The following CDC42BPA variants were observed in gnomAD, a reference collection of about 807,000 sequenced individuals.
CDC42BPA encodes the protein CDC42 binding protein kinase alpha, also known as serine/threonine-protein kinase MRCK alpha.
In CDC42BPA, 80 loss-of-function variants were observed where a neutral mutation model predicts 223.5. That is an observed-to-expected ratio of 0.36 (90% CI 0.30 to 0.43). The LOEUF is 0.43. Among genes scored for constraint, CDC42BPA ranks in the 20% least tolerant of loss-of-function variants. The pLI, the probability that CDC42BPA is intolerant of heterozygous loss-of-function variation, is 1.00. For synonymous variants in CDC42BPA, 694 were observed against 718.6 expected (o/e 0.97, Z 0.55); for missense variants, 1,743 against 2,099.9 (o/e 0.83, Z 3.32).
intron 4 of CDC42BPA, 96 bp from the exon 5 acceptor site, chr1:227,194,030 T>C (rs1365722921): frequency 1.4e-6 from 1 of 721,218 alleles, no homozygotes. Context: ...GTCAAATATT[T>C]ATGCAGTTAA....
intron 17 of CDC42BPA, 29 bp from the exon 18 acceptor site, chr1:227,074,393 G>C: frequency 6.5e-7 from 1 of 1,535,116 alleles, no homozygotes; most frequent in African/African-American, 1.4e-5. Flanking sequence ...AAGTACAAAA[G>C]TAAAACAAAA....
rs186331629 is a variant in CDC42BPA at position 227,210,409 on chromosome 1, G to T, written c.354+2727C>A. Among the ~76,000 whole-genome samples the T allele has an allele frequency of 2.0e-5, 3 of 152,146 alleles. No homozygotes were observed. In the East Asian group the frequency reaches 5.8e-4, roughly 29 times the overall value. ...CTACCTTATTCTCTCTACCTTTTGG[G>T]TTCTTCTAATGTTTGCTTTATATAT... is the stretch of plus-strand genomic sequence containing the variant. On this transcript the variant is annotated intron_variant, in intron 3 of 36. Coordinates refer to ENST00000366766, the MANE Select transcript of CDC42BPA (RefSeq NM_001394014.1).
intron 11 of CDC42BPA, among the ~76,000 whole-genome samples, chr1:227,128,006 G>A (rs888047760): frequency 1.3e-5 from 2 of 151,956 alleles, no homozygotes; most frequent in Admixed American, 6.6e-5. Context: ...TAAACCCTGC[G>A]AAAAACTGCC....
rs535577326 is a variant in CDC42BPA at position 227,163,960 on chromosome 1, A to G, written c.600-3324T>C. 3.4e-4 allele frequency among the ~76,000 whole-genome samples: 52 copies of G among 152,286 alleles called. No homozygotes were observed. The South Asian group carries it at 9.7e-3, about 29-fold the overall frequency. On this transcript the variant is annotated intron_variant, in intron 5 of 36. Transcript: ENST00000366766. ...ACCCCAGCACCATTTACTGAATGAT[A>G]TCCTTTCACCACTATTATCTAATAC...
intron 11 of CDC42BPA, among the ~76,000 whole-genome samples, chr1:227,127,022 G>C (rs1185581441): frequency 6.6e-6 from 1 of 152,144 alleles, no homozygotes. Flanking sequence ...AAATCCCAAA[G>C]AATCTATTTT....
Position 227,117,882 on chromosome 1 carries a change from A to G in CDC42BPA, c.1647+1922T>C, listed in dbSNP as rs149930415. Among the ~76,000 whole-genome samples, 290 of 152,308 alleles carry G rather than the reference A, an allele frequency of 1.9e-3. 2 individuals carry two copies. The highest frequency in any genetic ancestry group is 6.6e-3 in the African/African-American group (273 of 41,588). On this transcript the variant is annotated intron_variant, in intron 12 of 36. Coordinates refer to ENST00000366766, the MANE Select transcript of CDC42BPA (RefSeq NM_001394014.1). ...ATATTTGTAACACATATAACTCACA[A>G]AAGATTAGAATGCCCAAATATTTCC...
At chr1:227,234,329 G>A (rs996795470) in intron 2 of CDC42BPA, 1 of 152,210 alleles carries the variant, frequency 6.6e-6, no homozygotes, top group Non-Finnish European at 1.5e-5. Context: ...GCCTCAGAGA[G>A]TACAGTTTGT....
intron 24 of CDC42BPA, among the ~76,000 whole-genome samples, chr1:227,039,224 T>C (rs1670897144): frequency 6.6e-6 from 1 of 152,182 alleles, no homozygotes; most frequent in African/African-American, 2.4e-5. Flanking sequence ...TAGACTGACA[T>C]GGTTACATTC....
intron 12 of CDC42BPA, among the ~76,000 whole-genome samples, chr1:227,113,686 A>G (rs1476059595): frequency 6.6e-6 from 1 of 152,118 alleles, no homozygotes; most frequent in Non-Finnish European, 1.5e-5. Context: ...GACCAAGCAG[A>G]TTTATAGAAG....
chr1:227,147,740 G>C (rs193210003), intron 6 of CDC42BPA, among the ~76,000 whole-genome samples, 181 bp from the exon 7 acceptor site: 1 of 152,006 alleles, frequency 6.6e-6, no homozygotes, highest in Admixed American at 6.6e-5. Flanking sequence ...ATAGTTTTCA[G>C]GATTTCATAA....
intron 23 of CDC42BPA, among the ~76,000 whole-genome samples, chr1:227,042,751 G>A (rs1671640429): frequency 6.6e-6 from 1 of 151,626 alleles, no homozygotes; most frequent in African/African-American, 2.4e-5. Context: ...TGGAAGAAGA[G>A]AAAAAAATGA....
intron 21 of CDC42BPA, among the ~76,000 whole-genome samples, chr1:227,060,032 T>A (rs868314806): frequency 3.8e-5 from 5 of 132,600 alleles, no homozygotes; most frequent in Non-Finnish European, 3.4e-5. Context: ...TTTTTTTTGT[T>A]TTTTTTTTTT....
chr1:227,273,024 G>A (rs1686219279), intron 1 of CDC42BPA, among the ~76,000 whole-genome samples: 1 of 152,242 alleles, frequency 6.6e-6, no homozygotes, highest in Non-Finnish European at 1.5e-5. Context: ...TGGGCACGGT[G>A]GCTCACGCCT....
At chr1:227,041,312 C>CTAG (rs1163233382) in intron 23 of CDC42BPA, among the ~76,000 whole-genome samples, 1 of 152,134 alleles carries the variant, frequency 6.6e-6, no homozygotes, top group Non-Finnish European at 1.5e-5. Flanking sequence ...TTCCCCTTCT[C>CTAG]TAGTAGTCCC....
At chr1:226,996,080 AT>A (rs1007615824) in intron 35 of CDC42BPA, among the ~76,000 whole-genome samples, 1 of 152,200 alleles carries the variant, frequency 6.6e-6, no homozygotes, top group Non-Finnish European at 1.5e-5. Flanking sequence ...GTCCTTGGTA[AT>A]CCCCCTTCCA....
chr1:227,046,538 T>C (rs1672488225), intron 23 of CDC42BPA, among the ~76,000 whole-genome samples: 1 of 152,214 alleles, frequency 6.6e-6, no homozygotes, highest in Admixed American at 6.5e-5. Context: ...GTGATCTCTT[T>C]GGTTTAATTA....
intron 12 of CDC42BPA, among the ~76,000 whole-genome samples, chr1:227,117,387 G>A (rs1260736609): frequency 6.6e-6 from 1 of 152,030 alleles, no homozygotes; most frequent in African/African-American, 2.4e-5. Context: ...CATGATCATG[G>A]CTCACTGCAG....
intron 16 of CDC42BPA, among the ~76,000 whole-genome samples, chr1:227,081,281 C>CTT (rs141743743): frequency 4.7e-5 from 7 of 149,274 alleles, no homozygotes; most frequent in African/African-American, 1.5e-4. Flanking sequence ...TTGGTAATAG[C>CTT]TTTTTTTTTT....
At chr1:226,999,949 G>A (rs11588329) in intron 35 of CDC42BPA, among the ~76,000 whole-genome samples, 5 of 149,650 alleles carry the variant, frequency 3.3e-5, no homozygotes, top group South Asian at 2.2e-4. Context: ...GGGCCTGTTG[G>A]GGGGTGGGGG....
Sources: gnomAD v4.1 joint callset for allele counts (sites outside exome capture counted in the v4.1 genomes callset) on GRCh38, gnomAD v4.1.1 for gene constraint, MANE v1.5 for transcripts, NCBI Gene and HGNC (gene_info 2026-07-23, HGNC 2026-07-21) for gene names.